The following ADCY5 variants were observed in gnomAD, a reference collection of about 807,000 sequenced individuals.
ADCY5 encodes the protein adenylate cyclase 5.
In ADCY5, 30 loss-of-function variants were observed where a neutral mutation model predicts 119.7. The ratio of observed to expected loss-of-function variants is 0.25; its 90% CI spans 0.19 to 0.34. The LOEUF is 0.34. ADCY5 is among the 10% of genes least tolerant of loss of function. ADCY5 has a pLI of 1.00. For synonymous variants in ADCY5, 753 were observed against 762.2 expected (o/e 0.99, Z 0.20); for missense variants, 1,324 against 1,775.2 (o/e 0.75, Z 4.57).
chr3:123,386,497 A>G (rs373682288), intron 1 of ADCY5, among the ~76,000 whole-genome samples: 2 of 152,214 alleles, frequency 1.3e-5, no homozygotes, highest in East Asian at 3.9e-4. Context: ...ACATGTTTCA[A>G]TTTGCTCAGC....
intron 1 of ADCY5, among the ~76,000 whole-genome samples, chr3:123,399,048 C>A (rs867142249): frequency 1.3e-5 from 2 of 152,316 alleles, no homozygotes; most frequent in South Asian, 2.1e-4. Flanking sequence ...TCTCTCCATA[C>A]CCTCCCCAAG....
At chr3:123,397,129 G>A (rs1043414619) in intron 1 of ADCY5, among the ~76,000 whole-genome samples, 1 of 152,212 alleles carries the variant, frequency 6.6e-6, no homozygotes, top group East Asian at 1.9e-4. Context: ...AAGAATGGGT[G>A]GAACTAGGTG....
intron 12 of ADCY5, among the ~76,000 whole-genome samples, chr3:123,313,083 G>A (rs936696588): frequency 2.1e-5 from 3 of 141,260 alleles, no homozygotes; most frequent in Non-Finnish European, 4.4e-5. Context: ...TGGAGCACGC[G>A]GCTCAGCGTG....
At chr3:123,326,151 C>A (rs1407254932) in intron 7 of ADCY5, among the ~76,000 whole-genome samples, 1 of 152,226 alleles carries the variant, frequency 6.6e-6, no homozygotes, top group Non-Finnish European at 1.5e-5. Context: ...AGAGAGGGCA[C>A]TAGGACACGG....
At chr3:123,315,953 A>C (rs1356387088) in intron 11 of ADCY5, among the ~76,000 whole-genome samples, 2 of 152,060 alleles carry the variant, frequency 1.3e-5, no homozygotes, top group East Asian at 3.9e-4. Flanking sequence ...GCCAACAAGG[A>C]CCCCAGCTCT....
At chr3:123,322,804 TTAAAAGCTGGG>T (rs1156641617) in intron 8 of ADCY5, among the ~76,000 whole-genome samples, 2 of 152,212 alleles carry the variant, frequency 1.3e-5, no homozygotes, top group African/African-American at 4.8e-5. Context: ...CTCATCACTT[TTAAAAGCTGGG>T]TAAAAGCTGG....
intron 18 of ADCY5, 82 bp downstream of exon 18, chr3:123,291,031 C>A: frequency 2.0e-6 from 3 of 1,493,192 alleles, no homozygotes; most frequent in Non-Finnish European, 2.7e-6. Context: ...AAGGGGGCGC[C>A]AGGTCTCTTC....
At chr3:123,332,382 C>G (rs538535891) in intron 4 of ADCY5, among the ~76,000 whole-genome samples, 182 bp downstream of exon 4, 1 of 152,252 alleles carries the variant, frequency 6.6e-6, no homozygotes, top group African/African-American at 2.4e-5. Flanking sequence ...CCAGGGCCCA[C>G]GCAGGGCGTG....
chr3:123,412,186 G>A (rs901388757), intron 1 of ADCY5, among the ~76,000 whole-genome samples: 4 of 152,278 alleles, frequency 2.6e-5, no homozygotes, highest in Non-Finnish European at 4.4e-5. Flanking sequence ...GGCACGCTGC[G>A]GCAGGAAAGA....
chr3:123,349,665 G>T (rs1942742096), intron 2 of ADCY5, among the ~76,000 whole-genome samples: 1 of 152,004 alleles, frequency 6.6e-6, no homozygotes, highest in Admixed American at 6.6e-5. Context: ...CTACCCCCTT[G>T]CTATGCCTCA....
In ADCY5 at chr3:123,291,298, C is replaced by T. The variant is rs1559779497; in HGVS notation, c.3142G>A (p.Val1048Met). ...TCGCGGGCCAGGAAGTGAGCGGCCA[C>T]GTCCTTGGGCAGGATGTTGTGCAGC... Reference protein sequence around the residue: ...RLLHNILPKDVAAHFLARERR... With the variant: ...RLLHNILPKDMAAHFLARERR... Residue 1048 changes from valine (V) to methionine (M), a missense_variant, in exon 18 of 21, where the codon GTG becomes ATG. Physicochemically the swap from Val to Met is conservative, Grantham distance 21. Coordinates refer to ENST00000462833, the MANE Select transcript of ADCY5 (RefSeq NM_183357.3). The T allele has an allele frequency of 2.5e-6, 4 of 1,613,970 alleles. No individual in the cohort carries two copies. The highest frequency in any genetic ancestry group is 3.4e-6 in the Non-Finnish European group (4 of 1,180,042).
Position 123,284,712 on chromosome 3 carries a change from G to A in ADCY5, c.3682C>T (p.Leu1228=). The A allele has an allele frequency of 6.2e-7, 1 of 1,614,230 alleles. No individual in the cohort carries two copies. Among genetic ancestry groups the A allele is most frequent in the Non-Finnish European group, 8.5e-7 (1 of 1,180,030 alleles). The change falls in exon 21 of 21, where the codon CTG becomes TTG. Residue 1228 remains leucine, a synonymous_variant. Coordinates refer to ENST00000462833, the MANE Select transcript of ADCY5 (RefSeq NM_183357.3). ...TCCAGCTGGTACGTGTTGGCAGCCA[G>A]CACCTGGTACATGTCTGTGGTGACC... is the stretch of plus-strand genomic sequence containing the variant. The part of the protein sequence containing the change: ...IQVTTDMYQV[L]AANTYQLECR...
chr3:123,372,071 T>C (rs1376611290), intron 1 of ADCY5, among the ~76,000 whole-genome samples: 3 of 152,206 alleles, frequency 2.0e-5, no homozygotes, highest in Non-Finnish European at 4.4e-5. Flanking sequence ...TCCTCTGCAC[T>C]TGCTGACACT....
At position 123,308,020 on chromosome 3, in the gene ADCY5, T is replaced by C. The variant is rs1054149210; in HGVS notation, c.2443-3837A>G. Among the ~76,000 whole-genome samples the C allele has an allele frequency of 5.3e-5, 8 of 149,954 alleles. No homozygotes were observed. In the South Asian group the frequency reaches 8.4e-4, roughly 16 times the overall value. On this transcript the variant is annotated intron_variant, in intron 12 of 20. Coordinates refer to ENST00000462833, the MANE Select transcript of ADCY5 (RefSeq NM_183357.3). ...ACTTCCTCCATGCTCTTTTTTTTTT[T>C]TCATGCTCTTTTTTTTTTTTTTTTT... is the stretch of plus-strand genomic sequence containing the variant.
chr3:123,442,778 G>A (rs1945744615), intron 1 of ADCY5, among the ~76,000 whole-genome samples: 2 of 152,098 alleles, frequency 1.3e-5, no homozygotes, highest in South Asian at 4.2e-4. Context: ...CCCCACCCCA[G>A]CCACTTCTGC....
At chr3:123,435,733 C>T (rs1045943025) in intron 1 of ADCY5, among the ~76,000 whole-genome samples, 5 of 151,702 alleles carry the variant, frequency 3.3e-5, no homozygotes, top group Non-Finnish European at 4.4e-5. Context: ...TTCAGCTGGG[C>T]GTGGTGAGAC....
intron 1 of ADCY5, among the ~76,000 whole-genome samples, chr3:123,401,098 G>A (rs891664709): frequency 4.6e-5 from 7 of 152,092 alleles, no homozygotes; most frequent in Non-Finnish European, 8.8e-5. Context: ...TCATTGTAAC[G>A]CTAATAGTGG....
chr3:123,374,112 G>A (rs964699555), intron 1 of ADCY5, among the ~76,000 whole-genome samples: 10 of 152,136 alleles, frequency 6.6e-5, no homozygotes, highest in African/African-American at 2.4e-4. Flanking sequence ...TGCCTCTGTC[G>A]GCCAAAGAGG....
intron 1 of ADCY5, among the ~76,000 whole-genome samples, chr3:123,447,140 C>T (rs958639914): frequency 1.4e-4 from 22 of 152,218 alleles, no homozygotes; most frequent in African/African-American, 4.6e-4. Flanking sequence ...TCCAACCTTC[C>T]TCACTGCATT....
Sources: allele counts gnomAD v4.1 joint callset (sites outside exome capture counted in the v4.1 genomes callset), GRCh38; gene constraint gnomAD v4.1.1; transcripts MANE v1.5; gene names NCBI Gene and HGNC (gene_info 2026-07-23, HGNC 2026-07-21).